Variants in ASCC1 observed in about 807,000 individuals in gnomAD.
ASCC1 encodes the protein ASC-1 complex subunit P50.
In ASCC1, 35 loss-of-function variants were observed where a neutral mutation model predicts 46.6. That is an observed-to-expected ratio of 0.75 (90% CI 0.57 to 0.99). ASCC1 has a LOEUF of 0.99. Among genes scored for constraint, ASCC1 ranks in the 50% least tolerant of loss-of-function variants. ASCC1 has a pLI of 0.00. For missense variants in ASCC1, 376 were observed against 428.7 expected, an observed-to-expected ratio of 0.88 and a Z score of 1.09; for synonymous variants, 143 against 146.6, an observed-to-expected ratio of 0.98 and a Z score of 0.18.
At chr10:72,170,328 G>A (rs1468171141) in intron 5 of ASCC1, among the ~76,000 whole-genome samples, 2 of 152,122 alleles carry the variant, frequency 1.3e-5, no homozygotes, top group South Asian at 2.1e-4. Flanking sequence ...GAGGGACACT[G>A]TATACTCTAA....
At chr10:72,131,576 T>C (rs1383117992) in intron 8 of ASCC1, among the ~76,000 whole-genome samples, 1 of 152,150 alleles carries the variant, frequency 6.6e-6, no homozygotes, top group Non-Finnish European at 1.5e-5. Context: ...AATCTCAGTG[T>C]TCTCAAAAGT....
At chr10:72,190,764 G>A (rs1019188383) in intron 5 of ASCC1, among the ~76,000 whole-genome samples, 10 of 151,894 alleles carry the variant, frequency 6.6e-5, no homozygotes, top group African/African-American at 2.2e-4. Flanking sequence ...TTGGGAAGCC[G>A]AGGAAGACAG....
At position 72,147,767 on chromosome 10, in the gene ASCC1, G is replaced by A. The variant is rs373332491; in HGVS notation, c.746+5102C>T. On this transcript the variant is annotated intron_variant, in intron 7 of 9. Transcript: ENST00000672957. ...ATTTATCTTACACAGATGTTACGAA[G>A]ACTAAATGGAAATAATACAATCTAA... Among the ~76,000 whole-genome samples, 20 of 152,230 alleles carry A rather than the reference G, an allele frequency of 1.3e-4. No homozygotes were observed. In the South Asian group the frequency reaches 3.3e-3, roughly 25 times the overall value.
chr10:72,160,470 ATT>A, intron 6 of ASCC1, among the ~76,000 whole-genome samples: 1 of 152,292 alleles, frequency 6.6e-6, no homozygotes, highest in South Asian at 2.1e-4. Flanking sequence ...GTATGTGTAA[ATT>A]AAAATTTTAC....
chr10:72,163,258 C>A (rs748448639), intron 5 of ASCC1, among the ~76,000 whole-genome samples: 3 of 152,102 alleles, frequency 2.0e-5, no homozygotes, highest in Non-Finnish European at 2.9e-5. Flanking sequence ...CCCAGCAATT[C>A]TACTCCTAGG....
chr10:72,158,466 A>C (rs1228593777), intron 6 of ASCC1, among the ~76,000 whole-genome samples: 1 of 152,158 alleles, frequency 6.6e-6, no homozygotes, highest in Non-Finnish European at 1.5e-5. Context: ...ACATCTCACA[A>C]AGGAAAGTCA....
At chr10:72,159,313 G>A (rs751072757) in intron 6 of ASCC1, 1 of 152,186 alleles carries the variant, frequency 6.6e-6, no homozygotes, top group Non-Finnish European at 1.5e-5. Context: ...TTAAAGGGCT[G>A]AGATTTGGCA....
chr10:72,103,697 C>A (rs1324883586), intron 9 of ASCC1, among the ~76,000 whole-genome samples: 2 of 152,132 alleles, frequency 1.3e-5, no homozygotes, highest in Admixed American at 6.5e-5. Flanking sequence ...GGTCATAAGA[C>A]CCTCATTCGA....
intron 5 of ASCC1, among the ~76,000 whole-genome samples, chr10:72,170,072 A>G (rs1850869106): frequency 6.6e-6 from 1 of 152,156 alleles, no homozygotes; most frequent in Admixed American, 6.5e-5. Flanking sequence ...GTGAGACAAG[A>G]TCGTGCCATT....
intron 6 of ASCC1, among the ~76,000 whole-genome samples, chr10:72,159,554 A>C (rs780855306): frequency 6.6e-6 from 1 of 152,214 alleles, no homozygotes; most frequent in Non-Finnish European, 1.5e-5. Flanking sequence ...GTTTAGCAAA[A>C]AGTAAACTGG....
intron 7 of ASCC1, among the ~76,000 whole-genome samples, chr10:72,138,842 A>C (rs2132381260): frequency 6.6e-6 from 1 of 152,098 alleles, no homozygotes; most frequent in African/African-American, 2.4e-5. Flanking sequence ...CTGGGATTAC[A>C]GGCGTGAGCC....
At position 72,207,772 on chromosome 10, in the gene ASCC1, C is replaced by T. The variant is rs1446623148; in HGVS notation, c.212+2960G>A. On this transcript the variant is annotated intron_variant, in intron 3 of 9. Transcript: ENST00000672957. ...TGGCCAGGTAATTTCTTTCTTGATC[C>T]AAATAAGCCTACAGAAATTATTCCC... is the stretch of plus-strand genomic sequence containing the variant. 4.6e-5 allele frequency among the ~76,000 whole-genome samples: 7 copies of T among 151,930 alleles called. No homozygotes were observed. The East Asian group carries it at 1.4e-3, about 29-fold the overall frequency.
chr10:72,158,265 G>A (rs917681009), intron 6 of ASCC1, among the ~76,000 whole-genome samples: 6 of 152,174 alleles, frequency 3.9e-5, no homozygotes, highest in African/African-American at 9.7e-5. Flanking sequence ...CTGATGACAC[G>A]TGAGGCAATA....
intron 6 of ASCC1, among the ~76,000 whole-genome samples, chr10:72,154,329 C>T (rs567057404): frequency 1.2e-3 from 181 of 152,250 alleles, no homozygotes; most frequent in Middle Eastern, 3.4e-3. Context: ...TATAAAGTGA[C>T]CTCTCTAAAG....
intron 5 of ASCC1, chr10:72,190,626 C>A: frequency 1.1e-6 from 1 of 881,816 alleles, no homozygotes; most frequent in South Asian, 1.7e-5. Flanking sequence ...TTAAGACAGT[C>A]ATGTGTGCTT....
Position 72,213,464 on chromosome 10 carries a change from C to G in ASCC1, c.-33-133G>C. The G allele has an allele frequency of 7.8e-6, 5 of 640,882 alleles. 1 individual carries two copies. The highest frequency in any genetic ancestry group is 1.4e-5 in the Non-Finnish European group (5 of 349,756). The allele number at this position is 640,882 out of a possible 1,614,324, so 39.7% of individuals were successfully genotyped here. A position where few individuals can be genotyped will look rare whatever the true frequency, so the allele number is the denominator to read the frequency against. On this transcript the variant is annotated intron_variant, in intron 1 of 9. Transcript: ENST00000672957. ...TCCCACACAAAAGCAGCACCATTTC[C>G]CATTGGATTTCCCATCTGTAAACCA...
intron 5 of ASCC1, among the ~76,000 whole-genome samples, chr10:72,191,449 T>G (rs1770102270): frequency 6.6e-6 from 1 of 151,808 alleles, no homozygotes; most frequent in Non-Finnish European, 1.5e-5. Context: ...TAAAACATAC[T>G]ATGTGGTATA....
chr10:72,169,444 A>T (rs893738501), intron 5 of ASCC1, among the ~76,000 whole-genome samples: 1 of 152,222 alleles, frequency 6.6e-6, no homozygotes, highest in African/African-American at 2.4e-5. Context: ...TGTCTCAAAA[A>T]AAAAGACAAG....
chr10:72,197,906 AAAAT>A lies in ASCC1; in HGVS notation c.311-921_311-918del, dbSNP rs201913206. Among the ~76,000 whole-genome samples the A allele has an allele frequency of 6.3e-4, 88 of 139,998 alleles. 1 individual carries two copies. The East Asian group carries it at 0.013, about 20-fold the overall frequency. 91.8% of individuals were successfully genotyped at this position (139,998 alleles called of 152,430 possible). A position where few individuals can be genotyped will look rare whatever the true frequency, so the allele number is the denominator to read the frequency against. ...GGGCAACAGAGCTAGACCCTGTCTC[AAAAT>A]AAATAAATAAATAAATAAATAAATA... On this transcript the variant is annotated intron_variant, in intron 4 of 9. Transcript: ENST00000672957.
Sources: allele counts gnomAD v4.1 joint callset (sites outside exome capture counted in the v4.1 genomes callset), GRCh38; gene constraint gnomAD v4.1.1; transcripts MANE v1.5; gene names NCBI Gene and HGNC (gene_info 2026-07-23, HGNC 2026-07-21).